CHRM5: variants seen among roughly 807,000 people sequenced by gnomAD.
CHRM5 encodes muscarinic acetylcholine receptor M5.
A neutral mutation model predicts 39.0 loss-of-function variants in CHRM5; 18 were observed. The observed-to-expected ratio is 0.46, with a 90% CI of 0.32 to 0.68. CHRM5 has a LOEUF of 0.68. CHRM5 is among the 30% of genes least tolerant of loss of function. The probability of loss-of-function intolerance (pLI) is 0.04; values close to 1 mark genes in which losing one functional copy is unlikely to be tolerated. For synonymous variants in CHRM5, 241 were observed against 246.3 expected (o/e 0.98, Z 0.20); for missense variants, 515 against 651.1 (o/e 0.79, Z 2.28).
chr15:34,006,573 G>A (rs886924025), intron 1 of CHRM5, among the ~76,000 whole-genome samples: 1 of 152,186 alleles, frequency 6.6e-6, no homozygotes, highest in Admixed American at 6.5e-5. Flanking sequence ...CCTAAGGAAC[G>A]ATTAATGCAG....
intron 1 of CHRM5, among the ~76,000 whole-genome samples, chr15:33,992,683 A>C (rs1896780947): frequency 6.6e-6 from 1 of 152,230 alleles, no homozygotes; most frequent in African/African-American, 2.4e-5. Context: ...AAATGAGCTG[A>C]ATCAATGAGG....
intron 1 of CHRM5, among the ~76,000 whole-genome samples, chr15:33,979,640 A>C (rs1896048164): frequency 1.3e-5 from 2 of 152,152 alleles, no homozygotes; most frequent in South Asian, 4.1e-4. Flanking sequence ...AAAGATTTGG[A>C]CCAAATGTTA....
At chr15:33,983,918 C>T (rs1896306003) in intron 1 of CHRM5, among the ~76,000 whole-genome samples, 1 of 146,342 alleles carries the variant, frequency 6.8e-6, no homozygotes, top group Non-Finnish European at 1.5e-5. Flanking sequence ...TCCATAATCT[C>T]AGCCTCATCA....
intron 1 of CHRM5, among the ~76,000 whole-genome samples, chr15:34,025,384 G>C (rs1898411963): frequency 6.6e-6 from 1 of 152,158 alleles, no homozygotes; most frequent in Non-Finnish European, 1.5e-5. Flanking sequence ...TAAAAAATGA[G>C]CAGGAAGCAG....
chr15:34,009,489 C>T (rs952956258), intron 1 of CHRM5, among the ~76,000 whole-genome samples: 1 of 152,004 alleles, frequency 6.6e-6, no homozygotes, highest in African/African-American at 2.4e-5. Context: ...AAATCAATAT[C>T]CAACTACAGC....
chr15:33,975,590 T>C (rs970402094), intron 1 of CHRM5, among the ~76,000 whole-genome samples: 2 of 152,212 alleles, frequency 1.3e-5, no homozygotes, highest in Admixed American at 6.5e-5. Context: ...GAATTTGTCA[T>C]AATAGAACTC....
intron 1 of CHRM5, chr15:34,038,771 G>C: frequency 1.7e-6 from 2 of 1,168,364 alleles, no homozygotes; most frequent in Non-Finnish European, 2.1e-6. Flanking sequence ...ACCAGCCGTC[G>C]CCTCTTACCG....
intron 1 of CHRM5, among the ~76,000 whole-genome samples, chr15:34,018,651 G>C (rs995238176): frequency 6.6e-6 from 1 of 152,168 alleles, no homozygotes; most frequent in African/African-American, 2.4e-5. Flanking sequence ...AAAGAACAAA[G>C]CTTCCACAGA....
intron 1 of CHRM5, among the ~76,000 whole-genome samples, chr15:33,997,811 A>G (rs1896998133): frequency 6.6e-6 from 1 of 151,962 alleles, no homozygotes. Flanking sequence ...ATTAAGTCCT[A>G]CCCTTCCGTC....
chr15:34,018,986 A>C (rs1898087087), intron 1 of CHRM5, among the ~76,000 whole-genome samples: 1 of 151,502 alleles, frequency 6.6e-6, no homozygotes, highest in South Asian at 2.1e-4. Flanking sequence ...GTTTTTACAG[A>C]GTGCTCATTG....
intron 1 of CHRM5, among the ~76,000 whole-genome samples, chr15:34,020,060 C>T (rs1266011432): frequency 6.6e-6 from 1 of 152,116 alleles, no homozygotes; most frequent in African/African-American, 2.4e-5. Context: ...ACCTGTAATC[C>T]CAGCACTTTG....
chr15:34,008,112 G>A (rs1003993975), intron 1 of CHRM5, among the ~76,000 whole-genome samples: 6 of 151,986 alleles, frequency 3.9e-5, no homozygotes, highest in Admixed American at 3.3e-4. Context: ...TATCACAGGA[G>A]AAAAAAATAG....
At chr15:34,010,153 C>T (rs1187593933) in intron 1 of CHRM5, among the ~76,000 whole-genome samples, 2 of 152,108 alleles carry the variant, frequency 1.3e-5, no homozygotes, top group Non-Finnish European at 2.9e-5. Context: ...GAACCATATG[C>T]TTAACAGAAA....
intron 1 of CHRM5, among the ~76,000 whole-genome samples, chr15:34,040,517 T>C (rs941243842): frequency 6.6e-6 from 1 of 152,170 alleles, no homozygotes; most frequent in Admixed American, 6.5e-5. Context: ...CAAACACTAT[T>C]CTACATACTT....
Position 34,054,708 on chromosome 15 carries a change from C to T in CHRM5, c.-76+7837C>T, listed in dbSNP as rs1159342746. On this transcript the variant is annotated intron_variant, in intron 2 of 2. Coordinates refer to ENST00000383263, the MANE Select transcript of CHRM5 (RefSeq NM_012125.4). ...GGGGTGAGGGTAGGAGGAGGGAGAA[C>T]ATCAAGAAGAATAGGTAATAGATGT... is the stretch of plus-strand genomic sequence containing the variant. 2.0e-5 allele frequency among the ~76,000 whole-genome samples: 3 copies of T among 152,070 alleles called. No homozygotes were observed. In the East Asian group the frequency reaches 5.8e-4, roughly 29 times the overall value.
At chr15:34,029,642 G>A (rs145854230) in intron 1 of CHRM5, among the ~76,000 whole-genome samples, 6 of 152,212 alleles carry the variant, frequency 3.9e-5, no homozygotes, top group Admixed American at 3.9e-4. Flanking sequence ...CACAACACTT[G>A]GGAATGGAGT....
rs752238862 is a variant in CHRM5 at position 34,064,226 on chromosome 15, G to T, written c.1509G>T (p.Arg503Ser). 25 of 1,614,118 alleles carry T rather than the reference G, an allele frequency of 1.5e-5. No homozygotes were observed. The highest frequency in any genetic ancestry group is 2.0e-5 in the Non-Finnish European group (24 of 1,180,030). ...ATGCCCTCTGCAACAGAACCTTCAG[G>T]AAGACCTTTAAGATGCTGCTTCTCT... ...ICYALCNRTF[R>S]KTFKMLLLCR... Residue 503 changes from arginine (R) to serine (S), a missense_variant, in exon 3 of 3, where the codon AGG becomes AGT. Coordinates refer to ENST00000383263, the MANE Select transcript of CHRM5 (RefSeq NM_012125.4).
chr15:33,973,747 T>A (rs958752064), intron 1 of CHRM5, among the ~76,000 whole-genome samples: 16 of 152,000 alleles, frequency 1.1e-4, no homozygotes, highest in African/African-American at 3.9e-4. Context: ...GAAATTGCAT[T>A]TTTCATGGTT....
At chr15:33,975,778 A>C (rs536781462) in intron 1 of CHRM5, among the ~76,000 whole-genome samples, 3 of 152,222 alleles carry the variant, frequency 2.0e-5, no homozygotes, top group African/African-American at 7.2e-5. Context: ...GAGAATACAA[A>C]AATTAGCCGG....
Sources: gnomAD v4.1 joint callset for allele counts (sites outside exome capture counted in the v4.1 genomes callset) on GRCh38, gnomAD v4.1.1 for gene constraint, MANE v1.5 for transcripts, NCBI Gene and HGNC (gene_info 2026-07-23, HGNC 2026-07-21) for gene names.